SORL1: variants seen among roughly 807,000 people sequenced by gnomAD.
The protein encoded by SORL1 is sortilin related receptor 1.
In SORL1, 127 loss-of-function variants were observed where a neutral mutation model predicts 273.7. The observed-to-expected ratio is 0.46, with a 90% CI of 0.40 to 0.54. The LOEUF is 0.54. Ranked by LOEUF, SORL1 falls within the 20% of genes least tolerant of loss-of-function variation. The pLI is 0.00. For synonymous variants in SORL1, 1,031 were observed against 1,067.4 expected, an observed-to-expected ratio of 0.97 and a Z score of 0.66; for missense variants, 2,494 against 2,846.1, an observed-to-expected ratio of 0.88 and a Z score of 2.81.
intron 16 of SORL1, among the ~76,000 whole-genome samples, chr11:121,551,290 T>A (rs934099418): frequency 1.3e-5 from 2 of 152,250 alleles, no homozygotes; most frequent in Non-Finnish European, 2.9e-5. Flanking sequence ...ATGCTCTTCA[T>A]TGGACATTGC....
At chr11:121,567,207 T>A in intron 22 of SORL1, 94 bp downstream of exon 22, 2 of 1,077,106 alleles carry the variant, frequency 1.9e-6, no homozygotes, top group Non-Finnish European at 2.7e-6. Context: ...TTTCCTAACC[T>A]TTTCGTGTTA....
chr11:121,510,663 T>C (rs563614092), intron 6 of SORL1, among the ~76,000 whole-genome samples: 4 of 152,232 alleles, frequency 2.6e-5, no homozygotes, highest in Admixed American at 2.6e-4. Context: ...GCAAAAATGG[T>C]AGAGAAGTGC....
Position 121,489,957 on chromosome 11 carries a change from G to A in SORL1, c.691-86G>A, listed in dbSNP as rs1861527758. On this transcript the variant is annotated intron_variant, in intron 4 of 47. Transcript: ENST00000260197. ...CCTTCACAGACAGCGTGTCATGGAA[G>A]GTGGGATTTCAGCGGGTGTTTGATG... is the stretch of plus-strand genomic sequence containing the variant. 4 of 952,414 alleles carry A rather than the reference G, an allele frequency of 4.2e-6. No homozygotes were observed. In the South Asian group the frequency reaches 5.3e-5, roughly 13 times the overall value. 59.0% of individuals were successfully genotyped at this position (952,414 alleles called of 1,614,324 possible).
rs970822790 is a variant in SORL1 at position 121,631,954 on chromosome 11, T to C, written c.*2391T>C. ...GTGGGGATTTCATGTATATATGCTG[T>C]CTGAAAGAATCCAGAGGTTGGAGTG... On this transcript the variant is annotated 3_prime_UTR_variant, in exon 48 of 48. Transcript: ENST00000260197. The C allele has an allele frequency of 1.3e-5, 2 of 152,326 alleles. No homozygotes were observed. Among genetic ancestry groups the C allele is most frequent in the East Asian group, 3.9e-4 (2 of 5,178 alleles). 9.4% of individuals were successfully genotyped at this position (152,326 alleles called of 1,614,324 possible). A position where few individuals can be genotyped will look rare whatever the true frequency, so the allele number is the denominator to read the frequency against.
In SORL1 at chr11:121,589,362, C is replaced by T. The variant is rs1044223194; in HGVS notation, c.4050C>T (p.Cys1350=). 8.1e-6 allele frequency: 13 copies of T among 1,613,396 alleles called. No homozygotes were observed. Among genetic ancestry groups the T allele is most frequent in the Middle Eastern group, 1.6e-4 (1 of 6,084 alleles). The change falls in exon 29 of 48, where the codon TGC becomes TGT. Residue 1350 remains cysteine, a synonymous_variant. Transcript: ENST00000260197. Reference sequence around the variant, plus strand: ...GGAAGTGCGACGGGATGGATGATTGCGGCGATTATTCTGATGAAGCCAACT... The same window carrying T: ...GGAAGTGCGACGGGATGGATGATTGTGGCGATTATTCTGATGAAGCCAACT... ...LIWKCDGMDD[C]GDYSDEANCE... is the part of the protein sequence containing the mutation.
intron 5 of SORL1, among the ~76,000 whole-genome samples, chr11:121,494,214 T>G (rs1353779690): frequency 6.6e-6 from 1 of 151,982 alleles, no homozygotes; most frequent in Non-Finnish European, 1.5e-5. Flanking sequence ...TATACAGATA[T>G]CCTGGGAGAA....
chr11:121,535,153 C>T (rs1031624084), intron 12 of SORL1, among the ~76,000 whole-genome samples: 1 of 151,950 alleles, frequency 6.6e-6, no homozygotes, highest in Non-Finnish European at 1.5e-5. Context: ...AATTGCACAG[C>T]TCCAAGGGGA....
intron 1 of SORL1, among the ~76,000 whole-genome samples, chr11:121,460,033 A>T (rs1314673237): frequency 6.6e-6 from 1 of 152,248 alleles, no homozygotes; most frequent in Non-Finnish European, 1.5e-5. Context: ...ATTCTCAGAA[A>T]GGCAGGCTGA....
At chr11:121,506,017 A>G (rs1279098694) in intron 6 of SORL1, among the ~76,000 whole-genome samples, 2 of 152,166 alleles carry the variant, frequency 1.3e-5, no homozygotes, top group East Asian at 3.8e-4. Flanking sequence ...GCCTTGTTCT[A>G]TATTGAAGGT....
At chr11:121,541,514 C>T (rs1007958194) in intron 12 of SORL1, among the ~76,000 whole-genome samples, 4 of 152,022 alleles carry the variant, frequency 2.6e-5, no homozygotes, top group African/African-American at 4.8e-5. Flanking sequence ...CTAGCCAAAT[C>T]GATTTTAATA....
At chr11:121,476,692 TTCCC>T (rs942042494) in intron 2 of SORL1, among the ~76,000 whole-genome samples, 30 of 150,266 alleles carry the variant, frequency 2.0e-4, no homozygotes, top group African/African-American at 6.9e-4. Context: ...CTGCCCTTCC[TTCCC>T]TCCCTCCCTT....
At chr11:121,589,892 A>C in intron 29 of SORL1, 148 bp from the exon 30 acceptor site, 1 of 877,814 alleles carries the variant, frequency 1.1e-6, no homozygotes, top group East Asian at 2.4e-5. Context: ...TTTGTTCCCC[A>C]TTGGGTCCAT....
chr11:121,564,237 G>C (rs1435056400), intron 21 of SORL1, among the ~76,000 whole-genome samples: 1 of 152,172 alleles, frequency 6.6e-6, no homozygotes, highest in Admixed American at 6.5e-5. Flanking sequence ...TCTTCTTCCA[G>C]CTTCTCTCTG....
At chr11:121,564,779 C>T (rs1215967224) in intron 21 of SORL1, among the ~76,000 whole-genome samples, 1 of 151,876 alleles carries the variant, frequency 6.6e-6, no homozygotes, top group African/African-American at 2.4e-5. Context: ...CACTATGTTG[C>T]TCAGGGTGGT....
At position 121,627,823 on chromosome 11, in the gene SORL1, A is replaced by G. The variant is rs1863820870; in HGVS notation, c.6577+56A>G. The G allele has an allele frequency of 7.6e-7, 1 of 1,308,764 alleles. No individual in the cohort carries two copies. Among genetic ancestry groups the G allele is most frequent in the African/African-American group, 1.4e-5 (1 of 69,014 alleles). 81.1% of individuals were successfully genotyped at this position (1,308,764 alleles called of 1,614,324 possible). On this transcript the variant is annotated intron_variant, in intron 47 of 47. Coordinates refer to ENST00000260197, the MANE Select transcript of SORL1 (RefSeq NM_003105.6). This position sits in a 1 kb window ranked among gnomAD's most constrained non-coding sequence, Gnocchi z 4.9. ...TCCCAGGGCTGACCCCCACGCAGCC[A>G]ATGACTTGATTAGGAAACACCCACC...
chr11:121,528,920 T>C (rs1458576329), intron 11 of SORL1, among the ~76,000 whole-genome samples: 2 of 152,228 alleles, frequency 1.3e-5, no homozygotes, highest in African/African-American at 4.8e-5. Context: ...TGTGTTCATA[T>C]TGATTTTTGG....
At chr11:121,504,329 T>C (rs546846132) in intron 6 of SORL1, among the ~76,000 whole-genome samples, 3 of 152,296 alleles carry the variant, frequency 2.0e-5, no homozygotes, top group Admixed American at 2.0e-4. Context: ...GAAGAATCTC[T>C]TGAACCTGGG....
At chr11:121,576,671 C>T in intron 24 of SORL1, 3 of 1,158,372 alleles carry the variant, frequency 2.6e-6, no homozygotes, top group Admixed American at 2.9e-5. Flanking sequence ...CCTCCTTCCC[C>T]TTCTTGGTCA....
chr11:121,506,664 T>A (rs2134835894), intron 6 of SORL1, among the ~76,000 whole-genome samples: 1 of 152,304 alleles, frequency 6.6e-6, no homozygotes, highest in African/African-American at 2.4e-5. Context: ...GCATATCACT[T>A]TTTCATCCTT....
Sources: gnomAD v4.1 joint callset for allele counts (sites outside exome capture counted in the v4.1 genomes callset) on GRCh38, gnomAD v4.1.1 for gene constraint, Gnocchi (gnomAD v3.1) non-coding constraint, MANE v1.5 for transcripts, NCBI Gene and HGNC (gene_info 2026-07-23, HGNC 2026-07-21) for gene names.